Variants in PLEK observed in about 807,000 individuals in gnomAD.
The protein encoded by PLEK is platelet 47 kDa protein.
In PLEK, 25 loss-of-function variants were observed where a neutral mutation model predicts 43.9. That is an observed-to-expected ratio of 0.57 (90% CI 0.41 to 0.79). The LOEUF (loss-of-function observed/expected upper bound fraction) is 0.79. Ranked by LOEUF, PLEK falls within the 30% of genes least tolerant of loss-of-function variation. The pLI, the probability that PLEK is intolerant of heterozygous loss-of-function variation, is 0.00. For synonymous variants in PLEK, 152 were observed against 144.4 expected, an observed-to-expected ratio of 1.05 and a Z score of -0.38; for missense variants, 396 against 413.3, an observed-to-expected ratio of 0.96 and a Z score of 0.36.
intron 1 of PLEK, among the ~76,000 whole-genome samples, chr2:68,371,290 T>G (rs1673396597): frequency 6.6e-6 from 1 of 152,208 alleles, no homozygotes; most frequent in Non-Finnish European, 1.5e-5. Flanking sequence ...GGCTGGGACC[T>G]CAAAACAATC....
At chr2:68,377,215 G>C (rs1038464243) in intron 1 of PLEK, among the ~76,000 whole-genome samples, 12 of 152,188 alleles carry the variant, frequency 7.9e-5, no homozygotes, top group African/African-American at 2.9e-4. Context: ...ATTGTGAACA[G>C]TGCTGCAACC....
chr2:68,392,419 T>C (rs962286947), intron 6 of PLEK, among the ~76,000 whole-genome samples: 3 of 152,212 alleles, frequency 2.0e-5, no homozygotes, highest in African/African-American at 7.2e-5. Context: ...CATATTAATC[T>C]TCTTAAAATG....
At position 68,379,974 on chromosome 2, in the gene PLEK, C is replaced by T. The variant is rs530441586; in HGVS notation, c.43-354C>T. Among the ~76,000 whole-genome samples, 68 of 151,936 alleles carry T rather than the reference C, an allele frequency of 4.5e-4. 1 individual carries two copies. Among genetic ancestry groups the T allele is most frequent in the Non-Finnish European group, 8.5e-4 (58 of 67,982 alleles). ...CACAATCAGTGAGAAAAGCAGGAGG[C>T]ACCCCTGAGATCACGGTGGGTCTGT... On this transcript the variant is annotated intron_variant, in intron 1 of 8. Transcript: ENST00000234313.
intron 6 of PLEK, among the ~76,000 whole-genome samples, chr2:68,390,220 A>T (rs1558501080): frequency 6.6e-6 from 1 of 152,168 alleles, no homozygotes; most frequent in African/African-American, 2.4e-5. Context: ...GGCCTTTGAT[A>T]GGTACAATTT....
In PLEK at chr2:68,382,523, CTTT is replaced by C; in HGVS notation, c.381-15_381-13del. The C allele has an allele frequency of 7.1e-7, 1 of 1,413,550 alleles. No individual in the cohort carries two copies. The highest frequency in any genetic ancestry group is 9.9e-7 in the Non-Finnish European group (1 of 1,012,196). 87.6% of individuals were successfully genotyped at this position (1,413,550 alleles called of 1,614,324 possible). ...TTTTTTTTGTTTGTTTGTTTGTTTG[CTTT>C]TTTATCTCTGTGCAGTGCCTTATAT... On this transcript the variant is annotated splice_polypyrimidine_tract_variant and intron_variant, in intron 3 of 8. Transcript: ENST00000234313.
rs141944320 is a variant in PLEK, at chr2:68,386,677, C to G, written c.648C>G (p.Phe216Leu). The G allele has an allele frequency of 1.5e-4, 235 of 1,611,850 alleles. No homozygotes were observed. In the African/African-American group the frequency reaches 2.7e-3, roughly 19 times the overall value. Residue 216 changes from phenylalanine to leucine, a missense_variant, in exon 5 of 9, where the codon TTC (phenylalanine) becomes TTG (leucine). By Grantham distance (22) the Phe-to-Leu change is conservative (BLOSUM62 0). Transcript: ENST00000234313. ...ENPFLDNPDA[F>L]YYFPDSGFFC... ...CTTTCCTGGACAACCCTGATGCCTT[C>G]TACTACTTTGTAAGAAAAGCTCCCC...
intron 1 of PLEK, among the ~76,000 whole-genome samples, chr2:68,373,864 T>C (rs967384558): frequency 2.0e-5 from 3 of 152,220 alleles, no homozygotes; most frequent in African/African-American, 4.8e-5. Flanking sequence ...TTTTTAAAAT[T>C]TTTTATTAAA....
intron 4 of PLEK, among the ~76,000 whole-genome samples, chr2:68,386,055 AT>A (rs1673735165): frequency 6.6e-6 from 1 of 151,304 alleles, no homozygotes; most frequent in African/African-American, 2.4e-5. Flanking sequence ...CAAAGACTTT[AT>A]TTTTTTATTT....
intron 4 of PLEK, among the ~76,000 whole-genome samples, chr2:68,385,234 C>T (rs1401059345): frequency 2.0e-5 from 3 of 152,190 alleles, no homozygotes; most frequent in African/African-American, 7.2e-5. Flanking sequence ...TATCCATCAC[C>T]TCAAATATCT....
chr2:68,367,874 C>G (rs181513664), intron 1 of PLEK, among the ~76,000 whole-genome samples: 53 of 152,288 alleles, frequency 3.5e-4, no homozygotes, highest in African/African-American at 7.9e-4. Context: ...CCTCCATTCA[C>G]CTTTTTCTCT....
At chr2:68,372,177 A>ATTT (rs57326035) in intron 1 of PLEK, among the ~76,000 whole-genome samples, 4 of 148,350 alleles carry the variant, frequency 2.7e-5, no homozygotes, top group African/African-American at 7.4e-5. Context: ...AGAGAAGTTC[A>ATTT]TTTTTTTTTT....
intron 6 of PLEK, 108 bp downstream of exon 6, chr2:68,388,599 A>G: frequency 1.6e-6 from 1 of 626,210 alleles, no homozygotes; most frequent in South Asian, 2.0e-5. Context: ...TCAAGCAGAA[A>G]ATGAAACCCA....
rs559849777 is a variant in PLEK, at chr2:68,384,718, A to C, written c.473-1784A>C. ...CAGACTAGACCAAACTTGTCTTTCA[A>C]GCTTCAGCATGCCTCACTGAGTGAG... On this transcript the variant is annotated intron_variant, in intron 4 of 8. Coordinates refer to ENST00000234313, the MANE Select transcript of PLEK (RefSeq NM_002664.3). 4.6e-5 allele frequency among the ~76,000 whole-genome samples: 7 copies of C among 152,272 alleles called. No homozygotes were observed. The East Asian group carries it at 1.2e-3, about 25-fold the overall frequency.
chr2:68,366,881 A>G (rs4671910), intron 1 of PLEK, among the ~76,000 whole-genome samples: 67,513 of 151,978 alleles, frequency 0.44, 15,499 homozygotes, highest in East Asian at 0.72. Flanking sequence ...AAACAATTAA[A>G]AACATCTTGC....
Position 68,380,974 on chromosome 2 carries a change from A to C in PLEK, c.380+70A>C. ...ACACAAACATAGCAGATCCTGCTCCAAGGCTTGCTTTGACCACCTCTGATG... is the reference window on the plus strand; with the variant it reads ...ACACAAACATAGCAGATCCTGCTCCCAGGCTTGCTTTGACCACCTCTGATG... On this transcript the variant is annotated intron_variant, in intron 3 of 8. Coordinates refer to ENST00000234313, the MANE Select transcript of PLEK (RefSeq NM_002664.3). 2.9e-6 allele frequency: 4 copies of C among 1,377,192 alleles called. No individual in the cohort carries two copies. The South Asian group carries it at 5.1e-5, about 18-fold the overall frequency. The allele number at this position is 1,377,192 out of a possible 1,614,324, so 85.3% of individuals were successfully genotyped here.
chr2:68,367,543 G>A (rs1027939710), intron 1 of PLEK, among the ~76,000 whole-genome samples: 4 of 152,182 alleles, frequency 2.6e-5, no homozygotes, highest in Admixed American at 2.6e-4. Context: ...TCCTGAGAAG[G>A]TATTAAAGTT....
chr2:68,369,696 G>T (rs982235788), intron 1 of PLEK, among the ~76,000 whole-genome samples: 3 of 152,082 alleles, frequency 2.0e-5, no homozygotes, highest in Admixed American at 6.6e-5. Context: ...ATGTGAAACA[G>T]GTGCTTTGTT....
intron 6 of PLEK, among the ~76,000 whole-genome samples, chr2:68,391,668 G>A (rs1395382227): frequency 2.6e-5 from 4 of 152,326 alleles, no homozygotes; most frequent in Non-Finnish European, 5.9e-5. Context: ...TTATGAAGGA[G>A]GCACTGTTTG....
intron 1 of PLEK, 63 bp downstream of exon 1, chr2:68,365,456 C>T: frequency 8.1e-7 from 1 of 1,227,772 alleles, no homozygotes; most frequent in African/African-American, 1.5e-5. Flanking sequence ...TTGGGTTCAG[C>T]TCCACCGGCT....
Sources: allele counts gnomAD v4.1 joint callset (sites outside exome capture counted in the v4.1 genomes callset), GRCh38; gene constraint gnomAD v4.1.1; transcripts MANE v1.5; gene names NCBI Gene and HGNC (gene_info 2026-07-23, HGNC 2026-07-21).